Variants in PRKG1 observed in about 807,000 individuals in gnomAD.
PRKG1 encodes the protein cGMP-dependent protein kinase 1.
Under a neutral mutation model 88.1 loss-of-function variants are expected in PRKG1, and 35 were observed. The ratio of observed to expected loss-of-function variants is 0.40; its 90% confidence interval spans 0.30 to 0.53. The LOEUF (loss-of-function observed/expected upper bound fraction) is 0.53. PRKG1 is among the 20% of genes least tolerant of loss of function. The pLI is 0.59. For synonymous variants in PRKG1, 303 were observed against 292.5 expected, an observed-to-expected ratio of 1.04 and a Z score of -0.37; for missense variants, 540 against 839.8, an observed-to-expected ratio of 0.64 and a Z score of 4.41.
intron 2 of PRKG1, among the ~76,000 whole-genome samples, chr10:51,181,533 GC>G (rs1265044464): frequency 2.0e-5 from 3 of 152,038 alleles, no homozygotes; most frequent in African/African-American, 7.3e-5. Flanking sequence ...GAGCCACCGC[GC>G]CCGGCCTAGA....
intron 3 of PRKG1, among the ~76,000 whole-genome samples, chr10:51,713,017 G>T (rs1024715755): frequency 6.6e-6 from 1 of 152,002 alleles, no homozygotes; most frequent in Admixed American, 6.6e-5. Flanking sequence ...CACAGTTAGG[G>T]TAACTAATTT....
intron 2 of PRKG1, among the ~76,000 whole-genome samples, chr10:51,247,772 T>C (rs772764367): frequency 3.9e-5 from 6 of 151,916 alleles, no homozygotes; most frequent in Non-Finnish European, 2.9e-5. Flanking sequence ...CTAAATTTGC[T>C]CTGATGGCGT....
intron 4 of PRKG1, among the ~76,000 whole-genome samples, chr10:51,816,319 T>G (rs1464690170): frequency 1.3e-5 from 2 of 152,098 alleles, no homozygotes; most frequent in Admixed American, 6.6e-5. Flanking sequence ...CCAAAAATCC[T>G]CATTCTGTTA....
chr10:51,835,867 G>T (rs1840118937), intron 4 of PRKG1, among the ~76,000 whole-genome samples: 1 of 152,044 alleles, frequency 6.6e-6, no homozygotes, highest in Admixed American at 6.6e-5. Context: ...GTATACAAGG[G>T]TTTTCTTCAC....
intron 3 of PRKG1, among the ~76,000 whole-genome samples, chr10:51,609,483 A>G (rs1838848507): frequency 1.3e-5 from 2 of 152,236 alleles, no homozygotes; most frequent in Non-Finnish European, 2.9e-5. Context: ...CAGTCCCATT[A>G]CTGGGTATAT....
chr10:51,920,297 T>C (rs57872726), intron 5 of PRKG1, among the ~76,000 whole-genome samples: 4,778 of 152,288 alleles, frequency 0.031, 264 homozygotes, highest in African/African-American at 0.11. Flanking sequence ...GAAGGATATT[T>C]TGAAGAAGAA....
At chr10:52,110,828 C>T (rs941088455) in intron 7 of PRKG1, among the ~76,000 whole-genome samples, 8 of 152,106 alleles carry the variant, frequency 5.3e-5, no homozygotes, top group Non-Finnish European at 1.2e-4. Flanking sequence ...TGACCAACTG[C>T]GTGCAGAACT....
At chr10:51,674,259 T>C (rs1840655423) in intron 3 of PRKG1, among the ~76,000 whole-genome samples, 1 of 152,122 alleles carries the variant, frequency 6.6e-6, no homozygotes, top group Non-Finnish European at 1.5e-5. Context: ...CATGGTGGTT[T>C]GCCCCCATCA....
At chr10:52,157,668 T>A (rs1838160299) in intron 8 of PRKG1, among the ~76,000 whole-genome samples, 1 of 151,542 alleles carries the variant, frequency 6.6e-6, no homozygotes, top group African/African-American at 2.4e-5. Context: ...GCCTCTTAAC[T>A]GATATTCCTA....
intron 3 of PRKG1, among the ~76,000 whole-genome samples, chr10:51,799,384 T>C (rs1411988994): frequency 1.3e-5 from 2 of 152,046 alleles, no homozygotes; most frequent in African/African-American, 4.8e-5. Flanking sequence ...TCAGCATCCC[T>C]GGACCACTTG....
At chr10:52,154,943 C>G (rs990687603) in intron 8 of PRKG1, among the ~76,000 whole-genome samples, 1 of 152,136 alleles carries the variant, frequency 6.6e-6, no homozygotes, top group African/African-American at 2.4e-5. Context: ...GTCTTTGACT[C>G]CATCCAAGTT....
At chr10:52,128,594 C>G in intron 7 of PRKG1, 1 of 983,734 alleles carries the variant, frequency 1.0e-6, no homozygotes, top group Non-Finnish European at 1.2e-6. Flanking sequence ...TTTTCATGCT[C>G]TATTGTTTCA....
chr10:51,455,304 A>G (rs1429155235), intron 2 of PRKG1, among the ~76,000 whole-genome samples: 1 of 152,240 alleles, frequency 6.6e-6, no homozygotes. Context: ...CAGGCCTGTG[A>G]TGGGAGGAGC....
At chr10:51,629,603 T>C (rs751951564) in intron 3 of PRKG1, among the ~76,000 whole-genome samples, 5 of 152,108 alleles carry the variant, frequency 3.3e-5, no homozygotes, top group African/African-American at 4.8e-5. Context: ...AGTGCTTTTG[T>C]GGCAAACTCA....
intron 1 of PRKG1, among the ~76,000 whole-genome samples, chr10:51,028,266 C>T (rs1321960900): frequency 6.6e-6 from 1 of 152,158 alleles, no homozygotes; most frequent in Non-Finnish European, 1.5e-5. Flanking sequence ...AGGTTATTTT[C>T]CTCCTGGCTT....
intron 3 of PRKG1, among the ~76,000 whole-genome samples, chr10:51,616,519 C>G (rs4935273): frequency 0.048 from 7,301 of 152,152 alleles, 207 homozygotes; most frequent in Middle Eastern, 0.088. Context: ...GTGGTAGCAG[C>G]AGGGTGGGTA....
chr10:51,115,634 T>TAG (rs1186891393), intron 1 of PRKG1, among the ~76,000 whole-genome samples: 1 of 151,130 alleles, frequency 6.6e-6, no homozygotes, highest in African/African-American at 2.4e-5. Flanking sequence ...GGTCAAGAGA[T>TAG]AGAGACCATC....
intron 3 of PRKG1, among the ~76,000 whole-genome samples, chr10:51,538,779 C>G (rs917021405): frequency 6.6e-6 from 1 of 151,934 alleles, no homozygotes; most frequent in Non-Finnish European, 1.5e-5. Context: ...ACTTTTCCAG[C>G]CATTAAATAA....
In PRKG1 at chr10:50,991,693, A is replaced by G. The variant is rs1196786619; in HGVS notation, c.266+49A>G. On this transcript the variant is annotated intron_variant, in intron 1 of 17. Coordinates refer to the PRKG1 transcript ENST00000401604. This position sits in a 1 kb window ranked among gnomAD's most constrained non-coding sequence, Gnocchi z 4.5. ...GGGCGCTCGTCCCGGCCCGCGGCGC[A>G]GAGGCTGGGGGCTCTGGCCGCGGCG... is the stretch of plus-strand genomic sequence containing the variant. 1.6e-5 allele frequency: 21 copies of G among 1,352,968 alleles called. No homozygotes were observed. The highest frequency in any genetic ancestry group is 5.7e-4 in the Middle Eastern group (2 of 3,494). 83.8% of individuals were successfully genotyped at this position (1,352,968 alleles called of 1,614,324 possible).
Sources: gnomAD v4.1 joint callset for allele counts (sites outside exome capture counted in the v4.1 genomes callset) on GRCh38, gnomAD v4.1.1 for gene constraint, Gnocchi (gnomAD v3.1) non-coding constraint, MANE v1.5 for transcripts, NCBI Gene and HGNC (gene_info 2026-07-23, HGNC 2026-07-21) for gene names.